Variants in NIPAL3 observed in about 807,000 individuals in gnomAD.
The protein encoded by NIPAL3 is NIPA like domain containing 3.
Under a neutral mutation model 47.2 loss-of-function variants are expected in NIPAL3, and 41 were observed. That is an observed-to-expected ratio of 0.87 (90% CI 0.68 to 1.13). The LOEUF (loss-of-function observed/expected upper bound fraction) is 1.13. Ranked by LOEUF, NIPAL3 falls within the 50% of genes most tolerant of loss-of-function variation. The pLI, the probability that NIPAL3 is intolerant of heterozygous loss-of-function variation, is 0.00. For missense variants in NIPAL3, 449 were observed against 530.1 expected (o/e 0.85, Z 1.50); for synonymous variants, 194 against 209.6 (o/e 0.93, Z 0.64).
chr1:24,442,345 C>G (rs1645438179), intron 4 of NIPAL3, 119 bp downstream of exon 4: 2 of 1,120,906 alleles, frequency 1.8e-6, no homozygotes. Flanking sequence ...TAATAATAGC[C>G]TAATACAAAG....
At chr1:24,424,762 C>T (rs990751316) in intron 2 of NIPAL3, among the ~76,000 whole-genome samples, 9 of 152,260 alleles carry the variant, frequency 5.9e-5, no homozygotes, top group Admixed American at 3.3e-4. Flanking sequence ...CTGGTCCAGT[C>T]GGTGATGGCC....
chr1:24,434,824 T>TAAC (rs1436296037), intron 2 of NIPAL3, among the ~76,000 whole-genome samples: 5 of 152,056 alleles, frequency 3.3e-5, no homozygotes, highest in African/African-American at 1.2e-4. Flanking sequence ...TGTATAAATT[T>TAAC]AACAACACGC....
chr1:24,458,992 T>C lies in NIPAL3; in HGVS notation c.862+16T>C, dbSNP rs1251142556. 1 of 1,610,104 alleles carries C rather than the reference T, an allele frequency of 6.2e-7. No individual in the cohort carries two copies. Among genetic ancestry groups the C allele is most frequent in the South Asian group, 1.1e-5 (1 of 90,974 alleles). On this transcript the variant is annotated intron_variant, in intron 9 of 11. Coordinates refer to ENST00000374399, the MANE Select transcript of NIPAL3 (RefSeq NM_020448.5). The stretch of plus-strand genomic sequence containing the variant: ...ATCACAGCAGGTAAGGGTGACCCAT[T>C]GCTAGATTTCTGTCTTCTACTTTAG...
At chr1:24,440,286 A>C in intron 3 of NIPAL3, 46 bp downstream of exon 3, 1 of 1,464,036 alleles carries the variant, frequency 6.8e-7, no homozygotes, top group Non-Finnish European at 9.2e-7. Flanking sequence ...GACACAGCAG[A>C]CAAGTCAGGG....
At position 24,442,091 on chromosome 1, in the gene NIPAL3, C is replaced by G; in HGVS notation, c.199C>G (p.Pro67Ala). 1 of 1,614,128 alleles carries G rather than the reference C, an allele frequency of 6.2e-7. No homozygotes were observed. Among genetic ancestry groups the G allele is most frequent in the South Asian group, 1.1e-5 (1 of 91,076 alleles). Residue 67 changes from proline (P) to alanine (A), a missense_variant, in exon 4 of 12, where the codon CCC (proline) becomes GCC (alanine). Pro to Ala is a conservative substitution (Grantham distance 27). Coordinates refer to ENST00000374399, the MANE Select transcript of NIPAL3 (RefSeq NM_020448.5). Reference protein sequence around the residue: ...CHIRLAGSKDPRAYFKTKTWW... With the variant: ...CHIRLAGSKDARAYFKTKTWW... ...CATCCGCCTGGCAGGCTCCAAGGAT[C>G]CCCGGGCCTATTTCAAGACCAAGAC...
chr1:24,453,189 C>G (rs2272933), intron 6 of NIPAL3, among the ~76,000 whole-genome samples: 39,360 of 152,006 alleles, frequency 0.26, 5,523 homozygotes, highest in East Asian at 0.48. Flanking sequence ...CTCAGGACAA[C>G]AGGGAATTCC....
upstream of NIPAL3, chr1:24,415,208 A>G (rs1311896376): frequency 6.6e-6 from 1 of 152,180 alleles, no homozygotes; most frequent in Non-Finnish European, 1.5e-5. Flanking sequence ...TGTACATTAT[A>G]GAAACATTAA....
chr1:24,419,204 C>T, intron 1 of NIPAL3, 87 bp from the exon 2 acceptor site: 1 of 656,154 alleles, frequency 1.5e-6, no homozygotes, highest in Non-Finnish European at 1.9e-6. Flanking sequence ...TACGTTTTAT[C>T]TGAATGGTAT....
chr1:24,458,638 A>G (rs1188128498), intron 8 of NIPAL3, among the ~76,000 whole-genome samples: 2 of 152,096 alleles, frequency 1.3e-5, no homozygotes, highest in Admixed American at 6.6e-5. Flanking sequence ...GTGTGAGACC[A>G]TGATGGCATG....
At chr1:24,428,302 GAC>G (rs1491400307) in intron 2 of NIPAL3, among the ~76,000 whole-genome samples, 2,207 of 141,128 alleles carry the variant, frequency 0.016, 97 homozygotes, top group Middle Eastern at 0.042. Flanking sequence ...GAGAGAGAGA[GAC>G]ACCAGAACCT....
intron 2 of NIPAL3, among the ~76,000 whole-genome samples, chr1:24,437,233 C>T (rs1317917399): frequency 1.3e-5 from 2 of 152,124 alleles, no homozygotes; most frequent in Admixed American, 1.3e-4. Context: ...GCCTGGGCGA[C>T]AGAGTGAGAC....
intron 2 of NIPAL3, among the ~76,000 whole-genome samples, 199 bp from the exon 3 acceptor site, chr1:24,439,973 C>A (rs943345184): frequency 2.0e-5 from 3 of 152,230 alleles, no homozygotes; most frequent in Non-Finnish European, 2.9e-5. Context: ...CAATTCAGGG[C>A]AGCATTTTGT....
At position 24,440,229 on chromosome 1, in the gene NIPAL3, C is replaced by A; in HGVS notation, c.151C>A (p.Leu51Ile). 1 of 1,593,650 alleles carries A rather than the reference C, an allele frequency of 6.3e-7. No individual in the cohort carries two copies. The highest frequency in any genetic ancestry group is 1.3e-5 in the African/African-American group (1 of 74,086). Residue 51 changes from leucine (L) to isoleucine (I), a missense_variant, in exon 3 of 12, where the codon CTT becomes ATT. Physicochemically the swap from Leu to Ile is conservative, Grantham distance 5 (BLOSUM62 2). Transcript: ENST00000374399. Reference protein sequence around the residue: ...IFGHLVVSIALNLQKYCHIRL... With the variant: ...IFGHLVVSIAINLQKYCHIRL... The stretch of plus-strand genomic sequence containing the variant: ...CGGGCACCTCGTGGTCAGCATTGCA[C>A]TTAACCTCCAGGTAAGTTTCAGTTA...
rs754778613 is a variant in NIPAL3 at position 24,449,608 on chromosome 1, G to A, written c.522G>A (p.Trp174Ter). The change falls in exon 6 of 12, where the codon TGG becomes TGA. Residue 174 changes from tryptophan to a stop codon, truncating the protein, a stop_gained. Transcript: ENST00000374399. LOFTEE classifies it high-confidence loss of function. The surrounding 1 kb of genome is among the most constrained non-coding windows in gnomAD (Gnocchi z 4.5). ...GENVTRHLVS[W>*]PFLLYMLVEI... is the part of the protein sequence containing the mutation. ...ATGTCACCAGGCACCTCGTGAGCTG[G>A]CCTTTCCTTTTGTACATGGTAAGAG... The A allele has an allele frequency of 3.1e-6, 5 of 1,613,436 alleles. No individual in the cohort carries two copies. Among genetic ancestry groups the A allele is most frequent in the Non-Finnish European group, 4.2e-6 (5 of 1,179,944 alleles).
intron 5 of NIPAL3, among the ~76,000 whole-genome samples, chr1:24,445,990 A>G (rs757793790): frequency 6.6e-6 from 1 of 152,020 alleles, no homozygotes. Context: ...CAAAACACCT[A>G]CTAAGTCCCA....
intron 10 of NIPAL3, among the ~76,000 whole-genome samples, chr1:24,461,542 CA>C (rs59058886): frequency 0.043 from 4,230 of 98,618 alleles, 210 homozygotes; most frequent in African/African-American, 0.13. Context: ...AATTCCGTCT[CA>C]AAAAAAAAAA....
chr1:24,440,147 C>G (rs1645306872), intron 2 of NIPAL3, 25 bp from the exon 3 acceptor site: 1 of 1,538,414 alleles, frequency 6.5e-7, no homozygotes. Flanking sequence ...CAAATCATGT[C>G]CACTCCTGTG....
Position 24,454,391 on chromosome 1 carries a change from ACATC to A in NIPAL3, c.637+890_637+893del. 9.6e-7 allele frequency: 1 copy of A among 1,037,872 alleles called. No homozygotes were observed. The highest frequency in any genetic ancestry group is 1.2e-6 in the Non-Finnish European group (1 of 861,280). 64.3% of individuals were successfully genotyped at this position (1,037,872 alleles called of 1,614,324 possible). On this transcript the variant is annotated intron_variant, in intron 7 of 11. Coordinates refer to ENST00000374399, the MANE Select transcript of NIPAL3 (RefSeq NM_020448.5). The surrounding 1 kb of genome is among the most constrained non-coding windows in gnomAD (Gnocchi z 4.1). ...TTCTCTAAAGGGGGGGCCTATGAGA[ACATC>A]CAAGTCACGGAAGGGAGTGGGGGTT...
chr1:24,468,081 G>T (rs764630812), intron 11 of NIPAL3, among the ~76,000 whole-genome samples: 1 of 152,074 alleles, frequency 6.6e-6, no homozygotes, highest in African/African-American at 2.4e-5. Context: ...TGGGGCAGGT[G>T]GATCAATTCA....
Sources: allele counts gnomAD v4.1 joint callset (sites outside exome capture counted in the v4.1 genomes callset), GRCh38; gene constraint gnomAD v4.1.1; non-coding constraint Gnocchi (gnomAD v3.1); transcripts MANE v1.5; gene names NCBI Gene and HGNC (gene_info 2026-07-23, HGNC 2026-07-21).